Variants in SYN3 observed in about 807,000 individuals in gnomAD.
SYN3 encodes the protein synapsin III, also known as synapsin-3.
Under a neutral mutation model 65.8 loss-of-function variants are expected in SYN3, and 35 were observed. That is an observed-to-expected ratio of 0.53 (90% CI 0.41 to 0.70). The LOEUF (loss-of-function observed/expected upper bound fraction) is 0.70. Ranked by LOEUF, SYN3 falls within the 30% of genes least tolerant of loss-of-function variation. The pLI is 0.00. For synonymous variants in SYN3, 270 were observed against 292.9 expected, an observed-to-expected ratio of 0.92 and a Z score of 0.80; for missense variants, 680 against 749.0, an observed-to-expected ratio of 0.91 and a Z score of 1.08.
At chr22:32,828,227 C>G (rs1324685880) in intron 6 of SYN3, among the ~76,000 whole-genome samples, 1 of 152,202 alleles carries the variant, frequency 6.6e-6, no homozygotes, top group Non-Finnish European at 1.5e-5. Flanking sequence ...TAGTGAGTGT[C>G]TGTGCTGGAT....
At position 32,682,668 on chromosome 22, in the gene SYN3, C is replaced by T. The variant is rs550254871; in HGVS notation, c.712-85932G>A. Reference sequence around the variant, plus strand: ...TTAAGTTGTTTAAGTAGTTTGACATCGCTGGATGTAAATGAGGCTTTGAGT... The same window carrying T: ...TTAAGTTGTTTAAGTAGTTTGACATTGCTGGATGTAAATGAGGCTTTGAGT... On this transcript the variant is annotated intron_variant, in intron 6 of 13. Transcript: ENST00000358763. 4.6e-5 allele frequency among the ~76,000 whole-genome samples: 7 copies of T among 152,284 alleles called. No individual in the cohort carries two copies. In the South Asian group the frequency reaches 6.2e-4, roughly 14 times the overall value.
chr22:32,841,094 T>C (rs550526848), intron 6 of SYN3, among the ~76,000 whole-genome samples: 2 of 152,352 alleles, frequency 1.3e-5, no homozygotes, highest in South Asian at 4.1e-4. Flanking sequence ...TAAATCACTC[T>C]GTGTGTGGCA....
At chr22:32,960,156 T>A (rs1302049532) in intron 3 of SYN3, among the ~76,000 whole-genome samples, 1 of 152,176 alleles carries the variant, frequency 6.6e-6, no homozygotes, top group Non-Finnish European at 1.5e-5. Flanking sequence ...CTGGAGGGAA[T>A]GCCCTTCCTA....
chr22:32,851,997 G>C (rs1463247576), intron 6 of SYN3, among the ~76,000 whole-genome samples: 1 of 152,118 alleles, frequency 6.6e-6, no homozygotes, highest in East Asian at 1.9e-4. Context: ...ATGAACTGGG[G>C]ATACAAAGAT....
chr22:32,610,389 A>C (rs1464675140), intron 6 of SYN3, among the ~76,000 whole-genome samples: 1 of 152,174 alleles, frequency 6.6e-6, no homozygotes, highest in East Asian at 1.9e-4. Flanking sequence ...TCACTCAAAA[A>C]GAAACTCGGT....
intron 6 of SYN3, among the ~76,000 whole-genome samples, chr22:32,678,549 CCTT>C (rs1296557427): frequency 6.6e-6 from 1 of 151,886 alleles, no homozygotes; most frequent in African/African-American, 2.4e-5. Context: ...TCCTCCTCCT[CCTT>C]CATCCTCCTC....
chr22:33,034,386 A>C (rs1006917117), intron 1 of SYN3, among the ~76,000 whole-genome samples: 4 of 151,632 alleles, frequency 2.6e-5, no homozygotes, highest in African/African-American at 9.7e-5. Context: ...AGGTGGGATT[A>C]CAGGTGCCCA....
At chr22:33,008,233 A>G (rs2053248083) in intron 1 of SYN3, among the ~76,000 whole-genome samples, 1 of 152,258 alleles carries the variant, frequency 6.6e-6, no homozygotes, top group Non-Finnish European at 1.5e-5. Flanking sequence ...CACTGTGCCC[A>G]GCCAGTATTT....
chr22:32,742,145 G>A (rs902298342), intron 6 of SYN3, among the ~76,000 whole-genome samples: 4 of 152,138 alleles, frequency 2.6e-5, no homozygotes, highest in East Asian at 3.9e-4. Flanking sequence ...GCATGGTGGC[G>A]GGCGCCTGTA....
chr22:32,833,560 C>A (rs1482361699), intron 6 of SYN3, among the ~76,000 whole-genome samples: 1 of 152,160 alleles, frequency 6.6e-6, no homozygotes, highest in Non-Finnish European at 1.5e-5. Flanking sequence ...CTGAAGGTCC[C>A]ACCCAACCTA....
intron 6 of SYN3, among the ~76,000 whole-genome samples, chr22:32,810,775 T>C (rs2046896003): frequency 6.6e-6 from 1 of 152,230 alleles, no homozygotes; most frequent in African/African-American, 2.4e-5. Context: ...TCAGATTTCA[T>C]GAAGACTTGG....
rs959332276 is a variant in SYN3, at chr22:32,528,749, C to T, written c.1230+125G>A. The stretch of plus-strand genomic sequence containing the variant: ...CAATGTCTGGCCTTCGTCCACACCC[C>T]CATTCCTTCTCCCCAAGGTGGTTTC... On this transcript the variant is annotated intron_variant, in intron 11 of 13. Transcript: ENST00000358763. The T allele has an allele frequency of 6.6e-6, 9 of 1,368,686 alleles. No homozygotes were observed. The African/African-American group carries it at 1.2e-4, about 18-fold the overall frequency. The allele number at this position is 1,368,686 out of a possible 1,614,324, so 84.8% of individuals were successfully genotyped here. A position where few individuals can be genotyped will look rare whatever the true frequency, so the allele number is the denominator to read the frequency against.
chr22:32,926,576 C>T (rs1371254228), intron 4 of SYN3, among the ~76,000 whole-genome samples: 1 of 152,166 alleles, frequency 6.6e-6, no homozygotes, highest in Non-Finnish European at 1.5e-5. Context: ...CATCAGTGAG[C>T]TTTCTTTTGC....
intron 5 of SYN3, among the ~76,000 whole-genome samples, chr22:32,867,058 G>A (rs1181361687): frequency 1.3e-5 from 2 of 152,142 alleles, no homozygotes; most frequent in Non-Finnish European, 2.9e-5. Flanking sequence ...GTTGCTGCTC[G>A]AGTAACACAG....
chr22:32,934,749 G>A (rs891302882), intron 3 of SYN3, among the ~76,000 whole-genome samples: 25 of 152,166 alleles, frequency 1.6e-4, no homozygotes, highest in African/African-American at 6.0e-4. Context: ...GACCTCTTTG[G>A]GAACTAGGGT....
intron 6 of SYN3, among the ~76,000 whole-genome samples, chr22:32,681,659 A>G (rs2060524318): frequency 6.6e-6 from 1 of 152,216 alleles, no homozygotes; most frequent in Admixed American, 6.5e-5. Flanking sequence ...ACCATTCACA[A>G]TAGTACCTCA....
At position 32,650,503 on chromosome 22, in the gene SYN3, C is replaced by T. The variant is rs180977831; in HGVS notation, c.712-53767G>A. ...CTGGTCTCAAACTCCTGGGCTCAAGCGATCCCCTCATTTCAGCCTCCCAAA... is the reference window on the plus strand; with the variant it reads ...CTGGTCTCAAACTCCTGGGCTCAAGTGATCCCCTCATTTCAGCCTCCCAAA... On this transcript the variant is annotated intron_variant, in intron 6 of 13. Transcript: ENST00000358763. Among the ~76,000 whole-genome samples, 374 of 152,066 alleles carry T rather than the reference C, an allele frequency of 2.5e-3. 1 individual carries two copies. The highest frequency in any genetic ancestry group is 8.3e-3 in the African/African-American group (343 of 41,446).
At chr22:32,592,528 T>C (rs1048387121) in intron 7 of SYN3, among the ~76,000 whole-genome samples, 2 of 152,202 alleles carry the variant, frequency 1.3e-5, no homozygotes, top group African/African-American at 4.8e-5. Flanking sequence ...TCTTGTCTTC[T>C]AGTCTTTTTT....
At chr22:33,026,182 T>C (rs2053639043) in intron 1 of SYN3, among the ~76,000 whole-genome samples, 1 of 152,206 alleles carries the variant, frequency 6.6e-6, no homozygotes, top group Non-Finnish European at 1.5e-5. Context: ...GTGTTGTTTA[T>C]TACAGTAACT....
Sources: gnomAD v4.1 joint callset for allele counts (sites outside exome capture counted in the v4.1 genomes callset) on GRCh38, gnomAD v4.1.1 for gene constraint, MANE v1.5 for transcripts, NCBI Gene and HGNC (gene_info 2026-07-23, HGNC 2026-07-21) for gene names.